CA10: variants seen among roughly 807,000 people sequenced by gnomAD.
CA10 encodes the protein carbonic anhydrase 10 (inactive).
Under a neutral mutation model 44.2 loss-of-function variants are expected in CA10, and 14 were observed. The ratio of observed to expected loss-of-function variants is 0.32; its 90% CI spans 0.21 to 0.50. The LOEUF (loss-of-function observed/expected upper bound fraction) is 0.50. Ranked by LOEUF, CA10 falls within the 20% of genes least tolerant of loss-of-function variation. The pLI is 0.99. For synonymous variants in CA10, 159 were observed against 141.6 expected (o/e 1.12, Z -0.87); for missense variants, 350 against 409.7 (o/e 0.85, Z 1.26).
chr17:51,745,232 A>C (rs1396173999), intron 4 of CA10, among the ~76,000 whole-genome samples: 4 of 152,006 alleles, frequency 2.6e-5, no homozygotes, highest in Admixed American at 1.3e-4. Flanking sequence ...ATTCAGGCGG[A>C]GTTTCACCTA....
chr17:51,723,539 G>A (rs1231276471), intron 4 of CA10, among the ~76,000 whole-genome samples: 3 of 151,392 alleles, frequency 2.0e-5, no homozygotes, highest in Non-Finnish European at 4.4e-5. Flanking sequence ...ATCATCTATG[G>A]GAAAGACACA....
In CA10 at chr17:51,651,400, G is replaced by A. The variant is rs73987133; in HGVS notation, c.562-2146C>T. On this transcript the variant is annotated intron_variant, in intron 5 of 8. Transcript: ENST00000451037. ...TTGATTTTCTGGGAGTTGATTATAT[G>A]GAGGGAAGACAGAAATGTTGTGGCT... Among the ~76,000 whole-genome samples the A allele has an allele frequency of 7.3e-3, 1,106 of 152,306 alleles. 10 individuals carry two copies. Among genetic ancestry groups the A allele is most frequent in the African/African-American group, 0.025 (1,053 of 41,564 alleles).
At chr17:51,884,938 CA>C (rs1186926119) in intron 3 of CA10, among the ~76,000 whole-genome samples, 30 of 152,210 alleles carry the variant, frequency 2.0e-4, no homozygotes, top group Admixed American at 1.6e-3. Context: ...TGTATCTTCA[CA>C]TGCCCTTTCT....
intron 2 of CA10, among the ~76,000 whole-genome samples, chr17:51,999,400 G>A (rs760837505): frequency 2.6e-5 from 4 of 152,014 alleles, no homozygotes; most frequent in East Asian, 1.9e-4. Context: ...CTGCAGTTCC[G>A]AGTTAGTGTG....
In CA10 at chr17:52,020,160, C is replaced by T. The variant is rs371438229; in HGVS notation, c.136+52159G>A. Among the ~76,000 whole-genome samples the T allele has an allele frequency of 2.8e-4, 43 of 151,706 alleles. 1 individual carries two copies. Among genetic ancestry groups the T allele is most frequent in the African/African-American group, 9.4e-4 (39 of 41,404 alleles). On this transcript the variant is annotated intron_variant, in intron 2 of 8. Transcript: ENST00000451037. The stretch of plus-strand genomic sequence containing the variant: ...TATCATTATAAAATATCCTGTTTAC[C>T]GCTGGTAATATTTTTTGCCTTAAAT...
At chr17:52,132,485 C>T (rs1989264076) in intron 1 of CA10, among the ~76,000 whole-genome samples, 1 of 152,182 alleles carries the variant, frequency 6.6e-6, no homozygotes, top group African/African-American at 2.4e-5. Context: ...GTACTAAGCA[C>T]AGTAAAGGAG....
In CA10 at chr17:51,732,783, C is replaced by T. The variant is rs144537716; in HGVS notation, c.465+14850G>A. 3.3e-5 allele frequency among the ~76,000 whole-genome samples: 5 copies of T among 152,204 alleles called. No homozygotes were observed. The East Asian group carries it at 5.8e-4, about 18-fold the overall frequency. On this transcript the variant is annotated intron_variant, in intron 4 of 8. Coordinates refer to ENST00000451037, the MANE Select transcript of CA10 (RefSeq NM_020178.5). ...AGCTAGTCAGTACAAGAAGGTCTTG[C>T]GCCAAAGGAACATAAACTTGGGAGC...
rs1371339244 is a variant in CA10, at chr17:52,072,320, T to C, written c.135A>G (p.Pro45=). ...ATTAAAGAATTAATGTGTACTTACC[T>C]GGAACAAAGCTTCCCTGGACCACCT... ...YKEVVQGSFV[P]VPSFWGLVNS... is the part of the protein sequence containing the mutation. Residue 45 remains proline, a splice_region_variant and synonymous_variant, in exon 2 of 9, where the codon CCA becomes CCG. Transcript: ENST00000451037. 5 of 1,603,208 alleles carry C rather than the reference T, an allele frequency of 3.1e-6. No individual in the cohort carries two copies. Among genetic ancestry groups the C allele is most frequent in the South Asian group, 2.2e-5 (2 of 90,798 alleles).
At chr17:51,938,261 T>C (rs965655449) in intron 2 of CA10, among the ~76,000 whole-genome samples, 7 of 152,140 alleles carry the variant, frequency 4.6e-5, no homozygotes, top group South Asian at 4.1e-4. Context: ...ATTTAAAACA[T>C]TGGAGAAGGG....
At chr17:51,768,341 C>A (rs1905467312) in intron 3 of CA10, among the ~76,000 whole-genome samples, 1 of 152,136 alleles carries the variant, frequency 6.6e-6, no homozygotes, top group Non-Finnish European at 1.5e-5. Context: ...TCACTGTCTT[C>A]TTTCAAGGAC....
chr17:51,999,013 G>A (rs546459408), intron 2 of CA10, among the ~76,000 whole-genome samples: 2 of 152,146 alleles, frequency 1.3e-5, no homozygotes, highest in East Asian at 3.9e-4. Flanking sequence ...AAAATCATGG[G>A]TGGTTCTGAA....
intron 2 of CA10, among the ~76,000 whole-genome samples, chr17:52,061,479 G>GCTTATACAAATTA: frequency 6.6e-6 from 1 of 152,028 alleles, no homozygotes; most frequent in East Asian, 1.9e-4. Flanking sequence ...CTAACTTTAG[G>GCTTATACAAATTA]GTAATTTGTT....
intron 2 of CA10, among the ~76,000 whole-genome samples, chr17:52,023,641 G>C (rs565155673): frequency 6.6e-6 from 1 of 151,620 alleles, no homozygotes; most frequent in South Asian, 2.1e-4. Flanking sequence ...CAACTAATGA[G>C]TTTCTGCACA....
At chr17:52,098,652 C>T (rs953940910) in intron 1 of CA10, among the ~76,000 whole-genome samples, 7 of 152,134 alleles carry the variant, frequency 4.6e-5, no homozygotes, top group East Asian at 3.9e-4. Context: ...TTTGTATACA[C>T]GTATCTCTTT....
At chr17:51,717,853 A>ATACGTG (rs1916213376) in intron 4 of CA10, among the ~76,000 whole-genome samples, 1 of 36,622 alleles carries the variant, frequency 2.7e-5, no homozygotes, top group African/African-American at 7.3e-5. Context: ...ATATATATAT[A>ATACGTG]TATATATATA....
intron 1 of CA10, among the ~76,000 whole-genome samples, chr17:52,108,192 TTTTATATATATA>T (rs1253167549): frequency 0.13 from 14,544 of 113,022 alleles, 2,258 homozygotes; most frequent in African/African-American, 0.35. Flanking sequence ...TATATATATT[TTTTATATATATA>T]TATATATATA....
chr17:52,113,195 T>A (rs1469179613), intron 1 of CA10, among the ~76,000 whole-genome samples: 2 of 152,188 alleles, frequency 1.3e-5, no homozygotes, highest in Non-Finnish European at 2.9e-5. Flanking sequence ...TTTGTCCAGA[T>A]TAGATGCTCA....
At chr17:51,659,599 T>G (rs1236820132) in intron 4 of CA10, among the ~76,000 whole-genome samples, 2 of 152,236 alleles carry the variant, frequency 1.3e-5, no homozygotes, top group Non-Finnish European at 2.9e-5. Context: ...TACAGTCACA[T>G]GAGTGCTGAA....
chr17:51,754,410 T>TATATATATATA (rs1905009733), intron 3 of CA10, among the ~76,000 whole-genome samples: 2 of 52,068 alleles, frequency 3.8e-5, no homozygotes, highest in Non-Finnish European at 7.1e-5. Flanking sequence ...GATATATATA[T>TATATATATATA]ATATATATAT....
Sources: gnomAD v4.1 joint callset for allele counts (sites outside exome capture counted in the v4.1 genomes callset) on GRCh38, gnomAD v4.1.1 for gene constraint, MANE v1.5 for transcripts, NCBI Gene and HGNC (gene_info 2026-07-23, HGNC 2026-07-21) for gene names.